Variants in TSPAN16 observed in about 807,000 individuals in gnomAD.
The protein encoded by TSPAN16 is tetraspanin 16, also known as tetraspanin-16.
TSPAN16 carries 23 observed loss-of-function variants against 25.2 expected under a neutral mutation model. That is an observed-to-expected ratio of 0.91 (90% CI 0.66 to 1.29). The LOEUF is 1.29. Among genes scored for constraint, TSPAN16 ranks in the 50% most tolerant of loss-of-function variants. The pLI, the probability that TSPAN16 is intolerant of heterozygous loss-of-function variation, is 0.00. For missense variants in TSPAN16, 272 were observed against 299.9 expected, an observed-to-expected ratio of 0.91 and a Z score of 0.69; for synonymous variants, 123 against 124.4, an observed-to-expected ratio of 0.99 and a Z score of 0.08.
chr19:11,296,716 CGTAAAA>C (rs2080482086), intron 1 of TSPAN16, among the ~76,000 whole-genome samples: 2 of 152,066 alleles, frequency 1.3e-5, no homozygotes, highest in Admixed American at 6.6e-5. Context: ...TTTTCCTTAC[CGTAAAA>C]GTAACCCGAA....
intron 6 of TSPAN16, chr19:11,326,727 C>A: frequency 1.5e-6 from 1 of 688,048 alleles, no homozygotes; most frequent in South Asian, 1.5e-5. Flanking sequence ...CCTTGGCCCC[C>A]TGAGTAGCTG....
At chr19:11,316,115 G>A (rs2080746903), downstream of TSPAN16, 2 of 294,486 alleles carry the variant, frequency 6.8e-6, no homozygotes, top group Non-Finnish European at 1.1e-5. Flanking sequence ...GTGTGTGTGT[G>A]TGGTTTTTTT....
intron 6 of TSPAN16, among the ~76,000 whole-genome samples, chr19:11,314,733 G>T (rs2080727444): frequency 6.6e-6 from 1 of 151,998 alleles, no homozygotes; most frequent in African/African-American, 2.4e-5. Flanking sequence ...TTTCTCCTAG[G>T]CCTGAAGGCT....
At chr19:11,326,806 C>T (rs1169263882) in exon 7 of TSPAN16, 8 of 689,232 alleles carry the variant, frequency 1.2e-5, no homozygotes, top group African/African-American at 3.5e-5. Flanking sequence ...GTGGGGGTCT[C>T]GCTATGTTGC....
intron 6 of TSPAN16, among the ~76,000 whole-genome samples, chr19:11,315,234 TCAATAA>T (rs1180444768): frequency 9.9e-5 from 9 of 91,212 alleles, no homozygotes; most frequent in Admixed American, 9.0e-4. Context: ...AGACTCCTTC[TCAATAA>T]TAATAATAAT....
downstream of TSPAN16, among the ~76,000 whole-genome samples, chr19:11,318,847 A>T (rs1337575644): frequency 1.3e-5 from 2 of 151,564 alleles, no homozygotes; most frequent in African/African-American, 4.8e-5. Context: ...GGGTTTTGCC[A>T]TGTTGGCCAG....
At chr19:11,312,906 A>G (rs1351158991) in intron 6 of TSPAN16, among the ~76,000 whole-genome samples, 2 of 152,214 alleles carry the variant, frequency 1.3e-5, no homozygotes, top group African/African-American at 4.8e-5. Context: ...AAAAGTGTGA[A>G]CCTGTATGCC....
intron 6 of TSPAN16, among the ~76,000 whole-genome samples, chr19:11,312,938 G>A (rs574646994): frequency 3.3e-5 from 5 of 152,174 alleles, no homozygotes; most frequent in African/African-American, 9.6e-5. Flanking sequence ...TAACCTAGAT[G>A]AAATAGACAA....
At chr19:11,307,055 A>G (rs1424888192) in intron 5 of TSPAN16, among the ~76,000 whole-genome samples, 2 of 151,360 alleles carry the variant, frequency 1.3e-5, no homozygotes, top group Non-Finnish European at 2.9e-5. Context: ...TGATCCACCC[A>G]CCTTGGCCTC....
chr19:11,321,879 C>A (rs1162304920), intron 6 of TSPAN16, among the ~76,000 whole-genome samples: 1 of 152,000 alleles, frequency 6.6e-6, no homozygotes, highest in African/African-American at 2.4e-5. Flanking sequence ...TAGTGTCCTC[C>A]CTACCTTCCA....
chr19:11,320,416 C>G (rs1480173853), downstream of TSPAN16, among the ~76,000 whole-genome samples: 2 of 152,152 alleles, frequency 1.3e-5, no homozygotes, highest in African/African-American at 4.8e-5. Flanking sequence ...GCCACCACAC[C>G]TGGCCAATCC....
intron 3 of TSPAN16, among the ~76,000 whole-genome samples, chr19:11,300,286 G>A (rs1358727539): frequency 6.6e-6 from 1 of 152,218 alleles, no homozygotes; most frequent in Non-Finnish European, 1.5e-5. Flanking sequence ...GGTAAGGGAA[G>A]ACAGCCCACA....
chr19:11,323,454 G>C (rs1356057664), intron 6 of TSPAN16: 1 of 152,114 alleles, frequency 6.6e-6, no homozygotes, highest in Non-Finnish European at 1.5e-5. Context: ...AGCCGGGTGT[G>C]GTGGCAGGTG....
chr19:11,297,607 C>G (rs1048674805), intron 1 of TSPAN16, among the ~76,000 whole-genome samples: 1 of 152,102 alleles, frequency 6.6e-6, no homozygotes, highest in African/African-American at 2.4e-5. Flanking sequence ...AGCGATTCTT[C>G]TGCCTCAGCC....
intron 5 of TSPAN16, 152 bp from the exon 6 acceptor site, chr19:11,311,987 G>A: frequency 3.4e-6 from 2 of 587,154 alleles, no homozygotes; most frequent in Non-Finnish European, 6.2e-6. Flanking sequence ...GCAGTCAAAT[G>A]AGATGGAGGG....
chr19:11,320,925 T>C (rs183282423), downstream of TSPAN16, among the ~76,000 whole-genome samples: 446 of 151,752 alleles, frequency 2.9e-3, 2 homozygotes, highest in Non-Finnish European at 5.0e-3. Flanking sequence ...AATCCCAGCA[T>C]TTTGGGAGGC....
At chr19:11,304,499 C>T (rs931394535) in intron 4 of TSPAN16, among the ~76,000 whole-genome samples, 15 of 151,412 alleles carry the variant, frequency 9.9e-5, no homozygotes, top group Non-Finnish European at 7.4e-5. Context: ...CACACCACCA[C>T]ACCCAGCTAA....
chr19:11,306,516 A>G (rs1599337546), intron 4 of TSPAN16, 88 bp from the exon 5 acceptor site: 2 of 1,503,430 alleles, frequency 1.3e-6, no homozygotes, highest in East Asian at 2.3e-5. Context: ...TATTGTGACC[A>G]TACTAGACGG....
intron 4 of TSPAN16, among the ~76,000 whole-genome samples, chr19:11,303,469 T>A (rs322154): frequency 0.23 from 30,682 of 133,436 alleles, 3,610 homozygotes; most frequent in Middle Eastern, 0.27. Context: ...CTTTGTTCAC[T>A]TGTTTATCTG....
Sources: gnomAD v4.1 joint callset for allele counts (sites outside exome capture counted in the v4.1 genomes callset) on GRCh38, gnomAD v4.1.1 for gene constraint, MANE v1.5 for transcripts, NCBI Gene and HGNC (gene_info 2026-07-23, HGNC 2026-07-21) for gene names.